HDAC9: variants seen among roughly 807,000 people sequenced by gnomAD.
HDAC9 encodes MEF-2 interacting transcription repressor (MITR) protein.
A neutral mutation model predicts 139.4 loss-of-function variants in HDAC9; 41 were observed. The observed-to-expected ratio is 0.29, with a 90% confidence interval of 0.23 to 0.38. The LOEUF is 0.38. HDAC9 is among the 10% of genes least tolerant of loss of function. HDAC9 has a pLI of 1.00. For synonymous variants in HDAC9, 517 were observed against 476.2 expected, an observed-to-expected ratio of 1.09 and a Z score of -1.12; for missense variants, 1,147 against 1,297.0, an observed-to-expected ratio of 0.88 and a Z score of 1.78.
chr7:18,268,137 A>C (rs1796114386), intron 2 of HDAC9, among the ~76,000 whole-genome samples: 1 of 152,176 alleles, frequency 6.6e-6, no homozygotes, highest in South Asian at 2.1e-4. Context: ...CTAATGAAAC[A>C]CTAAGCCTAT....
intron 1 of HDAC9, among the ~76,000 whole-genome samples, chr7:18,396,103 C>CCTTCCCTTCG (rs1787017183): frequency 1.5e-5 from 2 of 130,720 alleles, no homozygotes; most frequent in African/African-American, 6.0e-5. Flanking sequence ...CCTTCCCTTC[C>CCTTCCCTTCG]CTTCCCTTCC....
chr7:18,944,044 A>G (rs1302384776), intron 23 of HDAC9, among the ~76,000 whole-genome samples: 1 of 152,174 alleles, frequency 6.6e-6, no homozygotes, highest in African/African-American at 2.4e-5. Flanking sequence ...CATGAATCAC[A>G]ATTTGGATAA....
intron 13 of HDAC9, among the ~76,000 whole-genome samples, chr7:18,745,264 C>T (rs1484771388): frequency 6.6e-6 from 1 of 152,138 alleles, no homozygotes; most frequent in African/African-American, 2.4e-5. Flanking sequence ...TAGGATGAGT[C>T]AGTGGAAGTT....
At chr7:18,605,430 A>G (rs1835185742) in intron 6 of HDAC9, among the ~76,000 whole-genome samples, 1 of 152,166 alleles carries the variant, frequency 6.6e-6, no homozygotes, top group African/African-American at 2.4e-5. Context: ...GCTCTGTAAA[A>G]TATTTTCCCT....
At position 18,474,272 on chromosome 7, in the gene HDAC9, C is replaced by A. The variant is rs1315350309; in HGVS notation, c.-41-21990C>A. Among the ~76,000 whole-genome samples, 3 of 152,254 alleles carry A rather than the reference C, an allele frequency of 2.0e-5. No homozygotes were observed. The East Asian group carries it at 5.8e-4, about 29-fold the overall frequency. ...GGAGTTCTTAGTACTATTCTTGTACCTATACTGTAAGTTTTTAGTTGTCTA... is the reference window on the plus strand; with the variant it reads ...GGAGTTCTTAGTACTATTCTTGTACATATACTGTAAGTTTTTAGTTGTCTA... On this transcript the variant is annotated intron_variant, in intron 1 of 3. Coordinates refer to the HDAC9 transcript ENST00000413509.
chr7:18,491,503 C>G (rs1796365045), upstream of HDAC9, among the ~76,000 whole-genome samples: 1 of 151,838 alleles, frequency 6.6e-6, no homozygotes, highest in African/African-American at 2.4e-5. Context: ...GATGAAGAAG[C>G]TAAGCTTTTT....
intron 13 of HDAC9, among the ~76,000 whole-genome samples, chr7:18,737,428 G>A (rs1787027020): frequency 6.6e-6 from 1 of 152,210 alleles, no homozygotes; most frequent in African/African-American, 2.4e-5. Flanking sequence ...ATTCTGGTAA[G>A]TGGTGTCTTT....
Position 18,425,660 on chromosome 7 carries a change from C to T in HDAC9, c.-41-70602C>T, listed in dbSNP as rs78183552. Among the ~76,000 whole-genome samples the T allele has an allele frequency of 2.7e-3, 416 of 152,246 alleles. 3 individuals are homozygous for T. Among genetic ancestry groups the T allele is most frequent in the Admixed American group, 0.023 (359 of 15,280 alleles). ...TGCTTTGGCAGGAAGCAGAAAGTGCCATGTGGGTAGTGGATTCTGGAGAGT... is the reference window on the plus strand; with the variant it reads ...TGCTTTGGCAGGAAGCAGAAAGTGCTATGTGGGTAGTGGATTCTGGAGAGT... On this transcript the variant is annotated intron_variant, in intron 1 of 3. Coordinates refer to the HDAC9 transcript ENST00000413509.
chr7:18,483,491 A>G (rs1795738702), intron 1 of HDAC9, among the ~76,000 whole-genome samples: 1 of 152,222 alleles, frequency 6.6e-6, no homozygotes, highest in Non-Finnish European at 1.5e-5. Flanking sequence ...GACCTGTATC[A>G]GTAGGCATTG....
intron 16 of HDAC9, among the ~76,000 whole-genome samples, chr7:18,790,405 G>A (rs1168770895): frequency 1.0e-5 from 1 of 96,200 alleles, no homozygotes; most frequent in Non-Finnish European, 2.2e-5. Context: ...TACAAGGAAA[G>A]GGCATGTGAG....
rs1786616783 is a variant in HDAC9 at position 18,999,040 on chromosome 7, A to G, written c.*2978A>G. The G allele has an allele frequency of 6.6e-6, 1 of 152,218 alleles. No homozygotes were observed. Among genetic ancestry groups the G allele is most frequent in the Non-Finnish European group, 1.5e-5 (1 of 68,036 alleles). 9.4% of individuals were successfully genotyped at this position (152,218 alleles called of 1,614,324 possible). On this transcript the variant is annotated 3_prime_UTR_variant, in exon 26 of 26. Transcript: ENST00000686413. ...CCATTGCTTAGTAAATGGAAAGAACATTGTGAGATGAACTATCTTTAAATA... is the reference window on the plus strand; with the variant it reads ...CCATTGCTTAGTAAATGGAAAGAACGTTGTGAGATGAACTATCTTTAAATA...
At chr7:18,410,146 G>C (rs1381689679) in intron 1 of HDAC9, among the ~76,000 whole-genome samples, 1 of 152,088 alleles carries the variant, frequency 6.6e-6, no homozygotes, top group South Asian at 2.1e-4. Context: ...TAGTTTGAAG[G>C]TACTTCATCC....
intron 25 of HDAC9, among the ~76,000 whole-genome samples, chr7:18,993,192 G>A (rs1001011981): frequency 6.6e-6 from 1 of 152,206 alleles, no homozygotes; most frequent in African/African-American, 2.4e-5. Flanking sequence ...AGGGCTATGA[G>A]AAGAGAGATA....
At chr7:18,485,034 A>G (rs376737520) in intron 1 of HDAC9, among the ~76,000 whole-genome samples, 25 of 152,292 alleles carry the variant, frequency 1.6e-4, no homozygotes, top group African/African-American at 6.0e-4. Flanking sequence ...ACAGATTGTT[A>G]CAGCTTCAGG....
chr7:18,939,455 G>A (rs763072606), intron 23 of HDAC9, among the ~76,000 whole-genome samples: 5 of 151,984 alleles, frequency 3.3e-5, no homozygotes, highest in Non-Finnish European at 7.4e-5. Context: ...TTTGGAAAAA[G>A]GAAATGAAAA....
At chr7:18,884,730 C>T (rs909722964) in intron 22 of HDAC9, among the ~76,000 whole-genome samples, 6 of 152,114 alleles carry the variant, frequency 3.9e-5, no homozygotes, top group Admixed American at 2.0e-4. Context: ...GTTGGGGCTT[C>T]TGTTTCTTCT....
chr7:18,614,977 GACTT>G (rs1838179348), intron 6 of HDAC9, among the ~76,000 whole-genome samples: 1 of 152,122 alleles, frequency 6.6e-6, no homozygotes, highest in Non-Finnish European at 1.5e-5. Context: ...CCTCCCTGTT[GACTT>G]TAACTTTTAG....
intron 1 of HDAC9, among the ~76,000 whole-genome samples, chr7:18,424,650 T>A (rs1421483848): frequency 6.6e-6 from 1 of 152,232 alleles, no homozygotes; most frequent in Admixed American, 6.5e-5. Flanking sequence ...GGCTCATGCC[T>A]GTAATCCCAA....
intron 21 of HDAC9, among the ~76,000 whole-genome samples, chr7:18,859,658 G>A (rs1191010177): frequency 6.6e-6 from 1 of 151,140 alleles, no homozygotes; most frequent in Admixed American, 6.6e-5. Context: ...ACAGTTCCTT[G>A]AAAAGGATGT....
Sources: gnomAD v4.1 joint callset for allele counts (sites outside exome capture counted in the v4.1 genomes callset) on GRCh38, gnomAD v4.1.1 for gene constraint, MANE v1.5 for transcripts, NCBI Gene and HGNC (gene_info 2026-07-23, HGNC 2026-07-21) for gene names.